The following DCHS1 variants were observed in gnomAD, a reference collection of about 807,000 sequenced individuals.
The protein encoded by DCHS1 is dachsous cadherin-related 1.
DCHS1 carries 78 observed loss-of-function variants against 213.9 expected under a neutral mutation model. That is an observed-to-expected ratio of 0.36 (90% confidence interval 0.30 to 0.44). DCHS1 has a LOEUF of 0.44. Ranked by LOEUF, DCHS1 falls within the 20% of genes least tolerant of loss-of-function variation. The probability of loss-of-function intolerance (pLI) is 1.00; values close to 1 mark genes in which losing one functional copy is unlikely to be tolerated. For missense variants in DCHS1, 3,946 were observed against 4,395.9 expected, an observed-to-expected ratio of 0.90 and a Z score of 2.89; for synonymous variants, 1,828 against 1,873.7, an observed-to-expected ratio of 0.98 and a Z score of 0.63.
Position 6,630,808 on chromosome 11 carries a change from G to A in DCHS1, c.3986C>T (p.Pro1329Leu), listed in dbSNP as rs1199916547. 1 of 1,543,354 alleles carries A rather than the reference G, an allele frequency of 6.5e-7. No individual in the cohort carries two copies. The highest frequency in any genetic ancestry group is 8.7e-7 in the Non-Finnish European group (1 of 1,143,002). ...EPPPDLAERDPAAPVPVVLTV... is the reference protein window; with the variant it reads ...EPPPDLAERDLAAPVPVVLTV... ...CAGCACGACAGGCACTGGTGCCGCT[G>A]GGTCCCGCTCTGCGAGATCTGGGGG... is the stretch of plus-strand genomic sequence containing the variant. The change falls in exon 10 of 21, where the codon CCA becomes CTA. Residue 1329 changes from proline (P) to leucine (L), a missense_variant. Pro to Leu is a moderately conservative substitution (Grantham distance 98, BLOSUM62 -3). Coordinates refer to ENST00000299441, the MANE Select transcript of DCHS1 (RefSeq NM_003737.4).
At chr11:6,642,014 G>A (rs1856084037) in intron 1 of DCHS1, among the ~76,000 whole-genome samples, 1 of 152,054 alleles carries the variant, frequency 6.6e-6, no homozygotes, top group East Asian at 1.9e-4. Context: ...CCTATTTCTA[G>A]GCTTAAAAAT....
rs188298100 is a variant in DCHS1, at chr11:6,621,931, C to A, written c.9745G>T (p.Ala3249Ser). 76 of 1,613,430 alleles carry A rather than the reference C, an allele frequency of 4.7e-5. No homozygotes were observed. In the East Asian group the frequency reaches 1.7e-3, roughly 35 times the overall value. The change falls in exon 21 of 21, where the codon GCC (alanine) becomes TCC (serine). Residue 3249 changes from alanine (A) to serine (S), a missense_variant. Ala to Ser is a moderately conservative substitution (Grantham distance 99). This residue lies in a region of DCHS1 where 554 missense variants were observed against 590.2 expected (regional missense o/e 0.94). Coordinates refer to ENST00000299441, the MANE Select transcript of DCHS1 (RefSeq NM_003737.4). ...GAGGGTGAGAAGCTGGGGGACATGG[C>A]AGCTGAGGACAGGGAGCCTTCATGG... ...ISHEGSLSSA[A>S]MSPSFSPSLS...
Position 6,632,799 on chromosome 11 carries a change from G to A in DCHS1, c.2713C>T (p.Pro905Ser), listed in dbSNP as rs1442529927. Residue 905 changes from proline (P) to serine (S), a missense_variant, in exon 6 of 21, where the codon CCA becomes TCA. By Grantham distance (74) the Pro-to-Ser change is moderately conservative. Around this residue, in one of 3 missense-constraint regions of DCHS1, gnomAD observed 3,384 missense variants for 3,780.1 expected, o/e 0.90. Transcript: ENST00000299441. This position sits in a 1 kb window ranked among gnomAD's most constrained non-coding sequence, Gnocchi z 5.9. Reference sequence around the variant, plus strand: ...ATGGGAGTCCCTGGGGCAGTGTTTGGTGGTAGCAATACCGTGTCTTCAGGT... The same window carrying A: ...ATGGGAGTCCCTGGGGCAGTGTTTGATGGTAGCAATACCGTGTCTTCAGGT... The part of the protein sequence containing the change: ...PAPEDTVLLP[P>S]NTAPGTPIYT... 2 of 1,613,798 alleles carry A rather than the reference G, an allele frequency of 1.2e-6. No individual in the cohort carries two copies. Among genetic ancestry groups the A allele is most frequent in the African/African-American group, 2.7e-5 (2 of 74,932 alleles).
At position 6,632,202 on chromosome 11, in the gene DCHS1, G is replaced by C. The variant is rs779045870; in HGVS notation, c.3310C>G (p.Arg1104Gly). Residue 1104 changes from arginine to glycine, a missense_variant, in exon 6 of 21, where the codon CGC becomes GGC. Transcript: ENST00000299441. The surrounding 1 kb of genome is among the most constrained non-coding windows in gnomAD (Gnocchi z 5.9). Reference sequence around the variant, plus strand: ...AGGAAGGTGGGATCCTCAGACAAGCGGGGACTGTGTTCATTCTGGTTGAGG... The same window carrying C: ...AGGAAGGTGGGATCCTCAGACAAGCCGGGACTGTGTTCATTCTGGTTGAGG... ...SILNQNEHSPRLSEDPTFLAV... is the reference protein window; with the variant it reads ...SILNQNEHSPGLSEDPTFLAV... 3 of 1,609,468 alleles carry C rather than the reference G, an allele frequency of 1.9e-6. No individual in the cohort carries two copies. Among genetic ancestry groups the C allele is most frequent in the Admixed American group, 1.7e-5 (1 of 59,844 alleles).
chr11:6,629,336 G>C, intron 12 of DCHS1, 116 bp downstream of exon 12: 1 of 1,408,750 alleles, frequency 7.1e-7, no homozygotes, highest in Non-Finnish European at 9.5e-7. Context: ...AACATAACAG[G>C]AGCTTTGTGG....
At chr11:6,624,690 C>A in intron 20 of DCHS1, 40 bp downstream of exon 20, 2 of 1,612,990 alleles carry the variant, frequency 1.2e-6, no homozygotes, top group South Asian at 1.1e-5. Flanking sequence ...TACAGCCCAA[C>A]ACAGTCAAAG....
At position 6,624,803 on chromosome 11, in the gene DCHS1, G is replaced by A; in HGVS notation, c.7212C>T (p.Asp2404=). The change falls in exon 20 of 21, where the codon GAC becomes GAT. Residue 2404 remains aspartate, a synonymous_variant. Coordinates refer to ENST00000299441, the MANE Select transcript of DCHS1 (RefSeq NM_003737.4). Reference sequence around the variant, plus strand: ...AGGAAATGTGACCGTTGGCACCTGAGTCCCGATCAGTGGCAGAGACGGAGA... The same window carrying A: ...AGGAAATGTGACCGTTGGCACCTGAATCCCGATCAGTGGCAGAGACGGAGA... ...AILSVSATDR[D]SGANGHISYH... The A allele has an allele frequency of 3.7e-6, 6 of 1,613,942 alleles. No individual in the cohort carries two copies. Among genetic ancestry groups the A allele is most frequent in the Non-Finnish European group, 4.2e-6 (5 of 1,179,856 alleles).
chr11:6,628,691 C>G lies in DCHS1; in HGVS notation c.5301G>C (p.Gln1767His). The change falls in exon 13 of 21, where the codon CAG becomes CAC. Residue 1767 changes from glutamine to histidine, a missense_variant. Around this residue, in one of 3 missense-constraint regions of DCHS1, gnomAD observed 3,384 missense variants for 3,780.1 expected, o/e 0.90. Coordinates refer to ENST00000299441, the MANE Select transcript of DCHS1 (RefSeq NM_003737.4). This position sits in a 1 kb window ranked among gnomAD's most constrained non-coding sequence, Gnocchi z 4.3. ...CAGAGGCCCGAAGCATGGTAAGGGTCTGGGGGTCCTGGCCCTCAGGCACCT... is the reference window on the plus strand; with the variant it reads ...CAGAGGCCCGAAGCATGGTAAGGGTGTGGGGGTCCTGGCCCTCAGGCACCT... ...SLEVPEGQDP[Q>H]TLTMLRASDP... The G allele has an allele frequency of 6.2e-7, 1 of 1,614,048 alleles. No individual in the cohort carries two copies. Among genetic ancestry groups the G allele is most frequent in the South Asian group, 1.1e-5 (1 of 91,086 alleles).
intron 2 of DCHS1, chr11:6,635,151 T>C (rs1325324733): frequency 2.6e-5 from 4 of 152,228 alleles, no homozygotes; most frequent in Admixed American, 1.3e-4. Context: ...TTGATCTTTA[T>C]TGAGTTTGAT....
At chr11:6,624,954 G>A (rs1855769486) in intron 19 of DCHS1, 86 bp from the exon 20 acceptor site, 1 of 1,560,014 alleles carries the variant, frequency 6.4e-7, no homozygotes, top group Non-Finnish European at 8.7e-7. Context: ...GGTTCCTTGT[G>A]CCCTGCTTGG....
rs1483486280 is a variant in DCHS1 at position 6,627,662 on chromosome 11, C to T, written c.5377G>A (p.Asp1793Asn). ...TCTAGGACAAAGGCTCCTGATGGGT[C>T]CCCATCTGCAGAGAAGGGCATGCAC... ...GQLQYRILDGDPSGAFVLDLA... is the reference protein window; with the variant it reads ...GQLQYRILDGNPSGAFVLDLA... Residue 1793 changes from aspartate (D) to asparagine (N), a missense_variant, in exon 14 of 21, where the codon GAC (aspartate) becomes AAC (asparagine). Physicochemically the swap from Asp to Asn is conservative, Grantham distance 23 (BLOSUM62 1). This residue lies in a region of DCHS1 where 3,384 missense variants were observed against 3,780.1 expected (regional missense o/e 0.90). Transcript: ENST00000299441. This position sits in a 1 kb window ranked among gnomAD's most constrained non-coding sequence, Gnocchi z 5.4. 4 of 1,611,364 alleles carry T rather than the reference C, an allele frequency of 2.5e-6. No homozygotes were observed. In the East Asian group the frequency reaches 8.9e-5, roughly 36 times the overall value.
At position 6,624,287 on chromosome 11, in the gene DCHS1, T is replaced by C; in HGVS notation, c.7389A>G (p.Ala2463=). Residue 2463 remains alanine, a synonymous_variant, in exon 21 of 21, where the codon GCA becomes GCG. Transcript: ENST00000299441. ...GCTGCACGTGCACTGTGGCTCGTGC[T>C]GCCCGGCCTGGAGCCCCGTGGTCTC... The part of the protein sequence containing the change: ...EARDHGAPGR[A]ARATVHVQLQ... The C allele has an allele frequency of 1.9e-6, 3 of 1,599,408 alleles. No homozygotes were observed. Among genetic ancestry groups the C allele is most frequent in the Non-Finnish European group, 2.6e-6 (3 of 1,173,998 alleles).
Position 6,622,466 on chromosome 11 carries a change from C to A in DCHS1, c.9210G>T (p.Gln3070His). The change falls in exon 21 of 21, where the codon CAG becomes CAT. Residue 3070 changes from glutamine (Q) to histidine (H), a missense_variant. By Grantham distance (24) the Gln-to-His change is conservative. Transcript: ENST00000299441. This position sits in a 1 kb window ranked among gnomAD's most constrained non-coding sequence, Gnocchi z 5.4. ...TGTCACTCAGACCATCTGCATCCTG[C>A]TGGATGCCTGAGTCAGGGCCACGGG... Reference protein sequence around the residue: ...LAARGPDSGIQQDADGLSDTS... With the variant: ...LAARGPDSGIHQDADGLSDTS... 6.4e-7 allele frequency: 1 copy of A among 1,565,216 alleles called. No homozygotes were observed. Among genetic ancestry groups the A allele is most frequent in the South Asian group, 1.2e-5 (1 of 84,920 alleles).
chr11:6,624,464 A>T, intron 20 of DCHS1, 74 bp from the exon 21 acceptor site: 2 of 1,447,176 alleles, frequency 1.4e-6, no homozygotes, highest in Non-Finnish European at 1.8e-6. Context: ...ACCCTTCAGG[A>T]TCTAGGAAAT....
chr11:6,655,793 A>G lies in DCHS1; in HGVS notation c.-351T>C, dbSNP rs1298104072. 4.9e-4 allele frequency: 465 copies of G among 941,160 alleles called. 4 individuals are homozygous for G. In the African/African-American group the frequency reaches 9.1e-3, roughly 18 times the overall value. The allele number at this position is 941,160 out of a possible 1,614,324, so 58.3% of individuals were successfully genotyped here. ...CGCCTCCTGCACAGCCGCCCCGCCG[A>G]GGATGCGAGCTCCGCTGCCGCGGCC... is the stretch of plus-strand genomic sequence containing the variant. On this transcript the variant is annotated 5_prime_UTR_variant, in exon 1 of 21. Coordinates refer to ENST00000299441, the MANE Select transcript of DCHS1 (RefSeq NM_003737.4).
At chr11:6,647,332 T>C (rs1018852096) in intron 1 of DCHS1, among the ~76,000 whole-genome samples, 2 of 152,022 alleles carry the variant, frequency 1.3e-5, no homozygotes, top group African/African-American at 2.4e-5. Context: ...CACCGGTGCG[T>C]GCTGGGCCAG....
At position 6,630,750 on chromosome 11, in the gene DCHS1, G is replaced by C. The variant is rs1855893290; in HGVS notation, c.4044C>G (p.Gly1348=). 6.5e-7 allele frequency: 1 copy of C among 1,545,690 alleles called. No individual in the cohort carries two copies. ...GCGCTGCCACCGAGCCCAACAGAGA[G>C]CCGGGCCGCAGTCCCTCAGCTGCTG... The part of the protein sequence containing the change: ...TVTAAEGLRP[G]SLLGSVAAPE... Residue 1348 remains glycine, a synonymous_variant, in exon 10 of 21, where the codon GGC becomes GGG. Coordinates refer to ENST00000299441, the MANE Select transcript of DCHS1 (RefSeq NM_003737.4).
chr11:6,626,973 C>A lies in DCHS1; in HGVS notation c.6066G>T (p.Val2022=). ...GGCCTAGAGCTACAGGAGAGCGGGC[C>A]ACGCGGATTTCACCAGTGTAAGAGT... The part of the protein sequence containing the change: ...TVDSYTGEIR[V]ARSPVALGPR... The change falls in exon 14 of 21, where the codon GTG becomes GTT. Residue 2022 remains valine, a synonymous_variant. Transcript: ENST00000299441. The surrounding 1 kb of genome is among the most constrained non-coding windows in gnomAD (Gnocchi z 5.2). 1.9e-6 allele frequency: 3 copies of A among 1,613,746 alleles called. No individual in the cohort carries two copies. Among genetic ancestry groups the A allele is most frequent in the Non-Finnish European group, 2.5e-6 (3 of 1,179,894 alleles).
Position 6,627,257 on chromosome 11 carries a change from A to C in DCHS1, c.5782T>G (p.Ser1928Ala). Residue 1928 changes from serine (S) to alanine (A), a missense_variant, in exon 14 of 21, where the codon TCT (serine) becomes GCT (alanine). Physicochemically the swap from Ser to Ala is moderately conservative, Grantham distance 99. Around this residue, in one of 3 missense-constraint regions of DCHS1, gnomAD observed 3,384 missense variants for 3,780.1 expected, o/e 0.90. Coordinates refer to ENST00000299441, the MANE Select transcript of DCHS1 (RefSeq NM_003737.4). This position sits in a 1 kb window ranked among gnomAD's most constrained non-coding sequence, Gnocchi z 5.4. ...DREQCPSYTF[S>A]VSAVDGAAAG... ...GCTGCACCATCCACTGCACTCACAG[A>C]AAAGGTGTAGCTGGGACACTGTTCT... The C allele has an allele frequency of 6.2e-7, 1 of 1,613,440 alleles. No homozygotes were observed. The highest frequency in any genetic ancestry group is 8.5e-7 in the Non-Finnish European group (1 of 1,179,864).
Sources: gnomAD v4.1 joint callset for allele counts (sites outside exome capture counted in the v4.1 genomes callset) on GRCh38, gnomAD v4.1.1 for gene constraint, gnomAD v4.1.1 regional missense constraint, Gnocchi (gnomAD v3.1) non-coding constraint, MANE v1.5 for transcripts, NCBI Gene and HGNC (gene_info 2026-07-23, HGNC 2026-07-21) for gene names.